Variants in PRODH2 observed in about 807,000 individuals in gnomAD.
PRODH2 encodes the protein hydroxyproline dehydrogenase.
In PRODH2, 49 loss-of-function variants were observed where a neutral mutation model predicts 51.9. The ratio of observed to expected loss-of-function variants is 0.94; its 90% CI spans 0.75 to 1.20. The LOEUF (loss-of-function observed/expected upper bound fraction) is 1.20. Among genes scored for constraint, PRODH2 ranks in the 50% most tolerant of loss-of-function variants. The pLI is 0.00. For missense variants in PRODH2, 597 were observed against 610.9 expected (o/e 0.98, Z 0.24); for synonymous variants, 249 against 260.7 (o/e 0.96, Z 0.43).
chr19:35,809,993 C>T (rs191921630), intron 4 of PRODH2, among the ~76,000 whole-genome samples: 3,078 of 66,768 alleles, frequency 0.046, 126 homozygotes, highest in African/African-American at 0.13. Flanking sequence ...AAACGCTGGG[C>T]GTGGTGGCTC....
At chr19:35,806,862 C>A in intron 5 of PRODH2, 32 bp from the exon 6 acceptor site, 1 of 1,566,276 alleles carries the variant, frequency 6.4e-7, no homozygotes. Context: ...GTCAGGGCCC[C>A]GGGTGTCCAG....
intron 4 of PRODH2, among the ~76,000 whole-genome samples, chr19:35,807,912 A>G (rs1320418144): frequency 2.6e-5 from 4 of 151,860 alleles, no homozygotes; most frequent in Non-Finnish European, 5.9e-5. Flanking sequence ...AGTACCTAGT[A>G]CCACAGGCAC....
In PRODH2 at chr19:35,811,440, AAAGG is replaced by A. The variant is rs536725411; in HGVS notation, c.597+518_597+521del. Among the ~76,000 whole-genome samples, 145 of 91,150 alleles carry A rather than the reference AAAGG, an allele frequency of 1.6e-3. 1 individual carries two copies. The highest frequency in any genetic ancestry group is 4.8e-3 in the African/African-American group (105 of 21,876). 59.8% of individuals were successfully genotyped at this position (91,150 alleles called of 152,430 possible). A position where few individuals can be genotyped will look rare whatever the true frequency, so the allele number is the denominator to read the frequency against. On this transcript the variant is annotated intron_variant, in intron 4 of 9. Coordinates refer to ENST00000653904, the MANE Select transcript of PRODH2 (RefSeq NM_021232.2). ...AGAGAGAAGGAAGGAAGGAAGGAAT[AAAGG>A]AAGGAAGGAAGGAAGGGAGGGAGGG...
chr19:35,812,583 C>G (rs774057090), intron 1 of PRODH2, 27 bp from the exon 2 acceptor site: 1 of 1,608,712 alleles, frequency 6.2e-7, no homozygotes, highest in Non-Finnish European at 8.5e-7. Flanking sequence ...GAGGGCTCAG[C>G]GCCAGGCTAT....
In PRODH2 at chr19:35,800,180, G is replaced by A. The variant is rs758376171; in HGVS notation, c.1241C>T (p.Ser414Phe). The change falls in exon 10 of 10, where the codon TCC (serine) becomes TTC (phenylalanine). Residue 414 changes from serine to phenylalanine, a missense_variant. Ser to Phe is a radical substitution (Grantham distance 155, BLOSUM62 -2). Transcript: ENST00000653904. The stretch of plus-strand genomic sequence containing the variant: ...CAGGTAGGGGATTACCTCCTCCAAG[G>A]AGCCATAGGGAATGGACTTATACAC... ...YVVYKSIPYGSLEEVIPYLIR... is the reference protein window; with the variant it reads ...YVVYKSIPYGFLEEVIPYLIR... 11 of 1,602,110 alleles carry A rather than the reference G, an allele frequency of 6.9e-6. No individual in the cohort carries two copies. The highest frequency in any genetic ancestry group is 1.1e-5 in the South Asian group (1 of 89,168).
chr19:35,812,212 G>A lies in PRODH2; in HGVS notation c.432C>T (p.Gly144=). ...AMLRCVDLSR[G]LLEPPSLAEA... Reference sequence around the variant, plus strand: ...CAGCCAGGCTGGGGGGCTCCAGGAGGCCCCGTGACAGGTCCACACACCGCA... The same window carrying A: ...CAGCCAGGCTGGGGGGCTCCAGGAGACCCCGTGACAGGTCCACACACCGCA... Residue 144 remains glycine (G), a synonymous_variant, in exon 3 of 10, where the codon GGC becomes GGT. Coordinates refer to ENST00000653904, the MANE Select transcript of PRODH2 (RefSeq NM_021232.2). 1.2e-6 allele frequency: 2 copies of A among 1,614,030 alleles called. No individual in the cohort carries two copies. Among genetic ancestry groups the A allele is most frequent in the Non-Finnish European group, 1.7e-6 (2 of 1,180,012 alleles).
intron 4 of PRODH2, 93 bp downstream of exon 4, chr19:35,811,869 G>T: frequency 8.0e-7 from 1 of 1,245,248 alleles, no homozygotes; most frequent in Non-Finnish European, 1.1e-6. Flanking sequence ...CAAGCCTGGA[G>T]GTGGCCGTAG....
Position 35,812,697 on chromosome 19 carries a change from G to A in PRODH2, c.109C>T (p.Leu37=). 2 of 1,609,936 alleles carry A rather than the reference G, an allele frequency of 1.2e-6. No individual in the cohort carries two copies. Among genetic ancestry groups the A allele is most frequent in the Non-Finnish European group, 1.7e-6 (2 of 1,177,290 alleles). ...CGGAGAACCAGCAAGGCCCGTGTCA[G>A]CTCTCCTGTGCCCTTAAGGTGGAAG... ...GAFHLKGTGE[L]TRALLVLRLC... is the part of the protein sequence containing the mutation. Residue 37 remains leucine, a synonymous_variant, in exon 1 of 10, where the codon CTG becomes TTG. Transcript: ENST00000653904.
chr19:35,807,585 G>A (rs1437186824), intron 4 of PRODH2, among the ~76,000 whole-genome samples: 2 of 152,026 alleles, frequency 1.3e-5, no homozygotes, highest in African/African-American at 2.4e-5. Context: ...TTACAGGTGT[G>A]AGCCACCGTG....
Position 35,800,078 on chromosome 19 carries a change from C to T in PRODH2, c.1343G>A (p.Trp448Ter). ...TCGGCATCCTGGCAGCAGCCGCCGC[C>T]ACAGTTCTTGGCTGAGCAGCTCCTG... is the stretch of plus-strand genomic sequence containing the variant. ...REQELLSQEL[W>*]RRLLPGCRRI... The change falls in exon 10 of 10, where the codon TGG becomes TAG. Residue 448 changes from tryptophan to a stop codon, truncating the protein, a stop_gained. Transcript: ENST00000653904. LOFTEE classifies it low-confidence loss of function (END_TRUNC). 1 of 1,612,342 alleles carries T rather than the reference C, an allele frequency of 6.2e-7. No individual in the cohort carries two copies. The highest frequency in any genetic ancestry group is 8.5e-7 in the Non-Finnish European group (1 of 1,179,374).
intron 7 of PRODH2, among the ~76,000 whole-genome samples, chr19:35,804,928 C>T (rs372764523): frequency 2.0e-5 from 3 of 151,974 alleles, no homozygotes; most frequent in Middle Eastern, 3.4e-3. Context: ...AGAGTGAGAC[C>T]CTGTCTCAAA....
In PRODH2 at chr19:35,812,151, T is replaced by C; in HGVS notation, c.493A>G (p.Thr165Ala). ...CTCCTTACACAGAGCCGAGTACTGG[T>C]CAGCGCCGTCACCTTCAGCTGCATG... ...SLMQLKVTAL[T>A]STRLCKELAS... The change falls in exon 3 of 10, where the codon ACC becomes GCC. Residue 165 changes from threonine to alanine, a missense_variant. Transcript: ENST00000653904. The C allele has an allele frequency of 1.2e-6, 2 of 1,614,094 alleles. No homozygotes were observed. The highest frequency in any genetic ancestry group is 1.7e-6 in the Non-Finnish European group (2 of 1,180,008).
intron 4 of PRODH2, 37 bp downstream of exon 4, chr19:35,811,925 G>C (rs372781260): frequency 1.8e-5 from 29 of 1,595,358 alleles, no homozygotes; most frequent in Non-Finnish European, 2.3e-5. Context: ...TAAGTCCAAG[G>C]CACTCTGTCC....
At chr19:35,807,238 A>G in intron 4 of PRODH2, 117 bp from the exon 5 acceptor site, 1 of 968,750 alleles carries the variant, frequency 1.0e-6, no homozygotes, top group Admixed American at 2.4e-5. Context: ...TCAGGGCTCG[A>G]ATCCAGGCTT....
chr19:35,805,423 C>A (rs938507147), intron 7 of PRODH2, among the ~76,000 whole-genome samples: 1 of 151,916 alleles, frequency 6.6e-6, no homozygotes, highest in African/African-American at 2.4e-5. Context: ...CAAGCCACCA[C>A]ACCCGGCTAA....
At chr19:35,807,869 C>A (rs576029743) in intron 4 of PRODH2, among the ~76,000 whole-genome samples, 1 of 152,008 alleles carries the variant, frequency 6.6e-6, no homozygotes, top group Non-Finnish European at 1.5e-5. Context: ...TCCACCTCCC[C>A]AGCTCAAGCA....
intron 4 of PRODH2, among the ~76,000 whole-genome samples, chr19:35,811,235 A>G (rs1254369928): frequency 1.3e-5 from 2 of 152,040 alleles, no homozygotes; most frequent in East Asian, 1.9e-4. Flanking sequence ...AAACAAAATC[A>G]TAGAAACAAA....
At chr19:35,812,590 C>T in intron 1 of PRODH2, 34 bp from the exon 2 acceptor site, 5 of 1,605,138 alleles carry the variant, frequency 3.1e-6, no homozygotes, top group Non-Finnish European at 4.3e-6. Flanking sequence ...CAGCGCCAGG[C>T]TATGAGGAGC....
At chr19:35,805,806 C>T (rs1434555719) in intron 7 of PRODH2, among the ~76,000 whole-genome samples, 1 of 152,208 alleles carries the variant, frequency 6.6e-6, no homozygotes, top group Non-Finnish European at 1.5e-5. Flanking sequence ...GCCACCTGCT[C>T]TGTAGCCTGG....
Sources: gnomAD v4.1 joint callset for allele counts (sites outside exome capture counted in the v4.1 genomes callset) on GRCh38, gnomAD v4.1.1 for gene constraint, MANE v1.5 for transcripts, NCBI Gene and HGNC (gene_info 2026-07-23, HGNC 2026-07-21) for gene names.